ERAP1: variants seen among roughly 807,000 people sequenced by gnomAD.
ERAP1 encodes endoplasmic reticulum aminopeptidase 1.
Under a neutral mutation model 103.7 loss-of-function variants are expected in ERAP1, and 86 were observed. The ratio of observed to expected loss-of-function variants is 0.83; its 90% CI spans 0.70 to 0.99. The LOEUF (loss-of-function observed/expected upper bound fraction) is 0.99, where lower values mean the gene tolerates loss of function less well. ERAP1 is among the 50% of genes least tolerant of loss of function. The probability of loss-of-function intolerance (pLI) is 0.00; values close to 1 mark genes in which losing one functional copy is unlikely to be tolerated. For missense variants in ERAP1, 1,009 were observed against 1,128.4 expected, an observed-to-expected ratio of 0.89 and a Z score of 1.52; for synonymous variants, 398 against 402.4, an observed-to-expected ratio of 0.99 and a Z score of 0.13.
chr5:96,905,979 A>G, the ERAP1 span, among the ~76,000 whole-genome samples: 1 of 129,926 alleles, frequency 7.7e-6, no homozygotes, highest in Admixed American at 8.7e-5. Context: ...GGGTCTCCCT[A>G]TATTGTACAG....
At chr5:96,917,326 G>C in the ERAP1 span, 2 of 640,810 alleles carry the variant, frequency 3.1e-6, no homozygotes, top group Non-Finnish European at 5.2e-6. Flanking sequence ...CTGGCATGTT[G>C]CCTAGGCTCG....
Position 96,774,837 on chromosome 5 carries a change from G to T in ERAP1, c.*1559C>A. The T allele has an allele frequency of 2.0e-6, 2 of 985,328 alleles. No homozygotes were observed. The highest frequency in any genetic ancestry group is 1.2e-6 in the Non-Finnish European group (1 of 829,780). 61.0% of individuals were successfully genotyped at this position (985,328 alleles called of 1,614,324 possible). A position where few individuals can be genotyped will look rare whatever the true frequency, so the allele number is the denominator to read the frequency against. The stretch of plus-strand genomic sequence containing the variant: ...ACCTATTTATTTGTTGTAGTGAATG[G>T]TTTAATAAATGGCAGATTTATGTCC... On this transcript the variant is annotated 3_prime_UTR_variant, in exon 19 of 19. Coordinates refer to ENST00000443439, the MANE Select transcript of ERAP1 (RefSeq NM_001040458.3).
chr5:96,928,635 G>T, the ERAP1 span, among the ~76,000 whole-genome samples: 2 of 152,124 alleles, frequency 1.3e-5, no homozygotes, highest in Non-Finnish European at 2.9e-5. Flanking sequence ...ATGAGATAAT[G>T]AATTTCTGTT....
At chr5:96,865,064 T>C in the ERAP1 span, among the ~76,000 whole-genome samples, 3 of 152,288 alleles carry the variant, frequency 2.0e-5, no homozygotes, top group South Asian at 4.1e-4. Flanking sequence ...AATTTTTCTA[T>C]GGATTTTTAG....
the ERAP1 span, among the ~76,000 whole-genome samples, chr5:96,858,246 G>T: frequency 5.8e-5 from 8 of 136,958 alleles, no homozygotes; most frequent in Non-Finnish European, 4.6e-5. Context: ...ATGGAGTTTC[G>T]CTCTGTTGCC....
the ERAP1 span, chr5:96,895,369 C>T: frequency 1.3e-6 from 2 of 1,519,286 alleles, no homozygotes; most frequent in Admixed American, 1.7e-5. Context: ...TGTAAGTTCA[C>T]AATTCTGTGT....
chr5:96,776,618 A>C, intron 18 of ERAP1, 67 bp from the exon 19 acceptor site: 1 of 1,579,270 alleles, frequency 6.3e-7, no homozygotes, highest in Non-Finnish European at 8.6e-7. Flanking sequence ...ACTTTAGTTA[A>C]AACTGAAGCC....
At chr5:96,779,802 CAATGAG>C (rs1774889783) in intron 18 of ERAP1, among the ~76,000 whole-genome samples, 1 of 152,206 alleles carries the variant, frequency 6.6e-6, no homozygotes, top group African/African-American at 2.4e-5. Context: ...TTTTACCAGA[CAATGAG>C]AATAACTCAT....
chr5:96,897,114 C>T, the ERAP1 span, among the ~76,000 whole-genome samples: 1 of 152,200 alleles, frequency 6.6e-6, no homozygotes, highest in Non-Finnish European at 1.5e-5. Flanking sequence ...ACTAATCCTA[C>T]ACTTTTATGT....
the ERAP1 span, among the ~76,000 whole-genome samples, chr5:96,888,866 T>C: frequency 0.018 from 2,778 of 152,268 alleles, 103 homozygotes; most frequent in African/African-American, 0.063. Flanking sequence ...TTAAAGTATA[T>C]CATAGAGACG....
chr5:96,927,144 G>A, the ERAP1 span, among the ~76,000 whole-genome samples: 4 of 152,160 alleles, frequency 2.6e-5, no homozygotes, highest in African/African-American at 7.2e-5. Context: ...ATGTGCATAA[G>A]TTTTCTGGTC....
At chr5:96,764,254 C>T (rs26502) in intron 19 of ERAP1, among the ~76,000 whole-genome samples, 64,721 of 151,956 alleles carry the variant, frequency 0.43, 14,115 homozygotes, top group South Asian at 0.47. Context: ...TTTTAAATGC[C>T]TTTTCAATCA....
chr5:96,776,254 T>C lies in ERAP1; in HGVS notation c.*142A>G. 1 of 1,151,388 alleles carries C rather than the reference T, an allele frequency of 8.7e-7. No individual in the cohort carries two copies. The allele number at this position is 1,151,388 out of a possible 1,614,324, so 71.3% of individuals were successfully genotyped here. ...ATTCATGAAAAACTAACAGCTATTC[T>C]TTTCACAGGGATAGTCAAAAAATGA... is the stretch of plus-strand genomic sequence containing the variant. On this transcript the variant is annotated 3_prime_UTR_variant, in exon 19 of 19. Transcript: ENST00000443439.
At chr5:96,766,429 A>C (rs368326469) in intron 19 of ERAP1, among the ~76,000 whole-genome samples, 73 of 152,198 alleles carry the variant, frequency 4.8e-4, no homozygotes, top group Admixed American at 1.2e-3. Flanking sequence ...CTCTCTTTCA[A>C]GAAAAGGCTA....
At chr5:96,790,237 C>A in intron 10 of ERAP1, 59 bp downstream of exon 10, 1 of 1,521,006 alleles carries the variant, frequency 6.6e-7, no homozygotes, top group Non-Finnish European at 9.1e-7. Flanking sequence ...AGCTGCCTTT[C>A]AAAGAATATG....
chr5:96,854,138 C>T, the ERAP1 span, among the ~76,000 whole-genome samples: 2 of 152,176 alleles, frequency 1.3e-5, no homozygotes, highest in Admixed American at 6.6e-5. Context: ...GCTATGTTAT[C>T]GAGCTAATTA....
chr5:96,797,804 T>C (rs114190508), intron 3 of ERAP1, among the ~76,000 whole-genome samples: 1,535 of 152,324 alleles, frequency 0.01, 21 homozygotes, highest in African/African-American at 0.035. Flanking sequence ...ATTTTAAAGT[T>C]TACAATACAC....
chr5:96,768,388 C>G (rs773403232), intron 19 of ERAP1: 4 of 455,906 alleles, frequency 8.8e-6, no homozygotes, highest in Non-Finnish European at 1.8e-5. Flanking sequence ...CTGGCCCTTA[C>G]AATTTTTAAA....
At chr5:96,871,650 A>G in the ERAP1 span, among the ~76,000 whole-genome samples, 1 of 152,168 alleles carries the variant, frequency 6.6e-6, no homozygotes, top group Non-Finnish European at 1.5e-5. Context: ...AGGCACCAGC[A>G]TTTTTCATTT....
Sources: allele counts gnomAD v4.1 joint callset (sites outside exome capture counted in the v4.1 genomes callset), GRCh38; gene constraint gnomAD v4.1.1; transcripts MANE v1.5; gene names NCBI Gene and HGNC (gene_info 2026-07-23, HGNC 2026-07-21).